Variants in PARD3B observed in about 807,000 individuals in gnomAD.
PARD3B encodes par-3 family cell polarity regulator beta.
In PARD3B, 103 loss-of-function variants were observed where a neutral mutation model predicts 130.2. The ratio of observed to expected loss-of-function variants is 0.79; its 90% CI spans 0.67 to 0.93. The LOEUF (loss-of-function observed/expected upper bound fraction) is 0.93. Among genes scored for constraint, PARD3B ranks in the 40% least tolerant of loss-of-function variants. The probability of loss-of-function intolerance (pLI) is 0.00; values close to 1 mark genes in which losing one functional copy is unlikely to be tolerated. For synonymous variants in PARD3B, 583 were observed against 553.2 expected, an observed-to-expected ratio of 1.05 and a Z score of -0.76; for missense variants, 1,609 against 1,499.2, an observed-to-expected ratio of 1.07 and a Z score of -1.21.
Position 205,506,048 on chromosome 2 carries a change from G to C in PARD3B, c.3180+6017G>C, listed in dbSNP as rs58310717. Reference sequence around the variant, plus strand: ...TGTTACCACTGTCATTAAAAACATGGTGCTGGCCGGGCACAGTGGCTCACG... The same window carrying C: ...TGTTACCACTGTCATTAAAAACATGCTGCTGGCCGGGCACAGTGGCTCACG... On this transcript the variant is annotated intron_variant, in intron 21 of 22. Transcript: ENST00000406610. Among the ~76,000 whole-genome samples the C allele has an allele frequency of 6.6e-3, 1,007 of 152,136 alleles. 13 individuals are homozygous for C. Among genetic ancestry groups the C allele is most frequent in the African/African-American group, 0.023 (945 of 41,528 alleles).
intron 3 of PARD3B, among the ~76,000 whole-genome samples, chr2:204,987,363 A>G (rs1181952169): frequency 6.6e-6 from 1 of 152,268 alleles, no homozygotes. Flanking sequence ...TATTGCCAGA[A>G]TAGAATGCTT....
chr2:204,877,464 T>A lies in PARD3B; in HGVS notation c.223-87688T>A, dbSNP rs552424954. 2.1e-4 allele frequency among the ~76,000 whole-genome samples: 32 copies of A among 152,308 alleles called. No individual in the cohort carries two copies. The South Asian group carries it at 6.2e-3, about 30-fold the overall frequency. Reference sequence around the variant, plus strand: ...AAACTCACATAGAAGGAGGGCTGACTTTTCCCATATGTGAGTTATGTGTGC... The same window carrying A: ...AAACTCACATAGAAGGAGGGCTGACATTTCCCATATGTGAGTTATGTGTGC... On this transcript the variant is annotated intron_variant, in intron 2 of 22. Coordinates refer to ENST00000406610, the MANE Select transcript of PARD3B (RefSeq NM_001302769.2).
At chr2:204,635,635 G>A (rs1431431013) in intron 1 of PARD3B, among the ~76,000 whole-genome samples, 2 of 152,098 alleles carry the variant, frequency 1.3e-5, no homozygotes, top group South Asian at 2.1e-4. Context: ...AGACACCTGG[G>A]CAGTGCTCCA....
chr2:205,616,579 G>T lies in PARD3B; in HGVS notation c.*766G>T, dbSNP rs148893989. The T allele has an allele frequency of 6.6e-6, 1 of 152,188 alleles. No homozygotes were observed. Among genetic ancestry groups the T allele is most frequent in the African/African-American group, 2.4e-5 (1 of 41,424 alleles). 9.4% of individuals were successfully genotyped at this position (152,188 alleles called of 1,614,324 possible). On this transcript the variant is annotated 3_prime_UTR_variant, in exon 23 of 23. Transcript: ENST00000406610. ...TATCTTCCGAGGACTAAGGTGATCA[G>T]GTTAAGAGGGTTCAACATCCCACGG...
At position 204,745,284 on chromosome 2, in the gene PARD3B, A is replaced by G. The variant is rs115745449; in HGVS notation, c.222+59002A>G. The stretch of plus-strand genomic sequence containing the variant: ...TTTGCGGCTCTTCAATCGGCCTCCC[A>G]TATGGACATTGATAATAATAGCTAA... On this transcript the variant is annotated intron_variant, in intron 2 of 22. Transcript: ENST00000406610. 5.6e-3 allele frequency among the ~76,000 whole-genome samples: 857 copies of G among 152,262 alleles called. 8 individuals are homozygous for G. Among genetic ancestry groups the G allele is most frequent in the South Asian group, 0.024 (118 of 4,824 alleles).
intron 5 of PARD3B, among the ~76,000 whole-genome samples, chr2:205,104,931 C>T (rs959166192): frequency 1.3e-5 from 2 of 152,082 alleles, no homozygotes; most frequent in African/African-American, 4.8e-5. Context: ...TGCTTTAACA[C>T]CCTTGTAATA....
At chr2:204,917,285 G>T (rs1256765992) in intron 2 of PARD3B, among the ~76,000 whole-genome samples, 7 of 152,196 alleles carry the variant, frequency 4.6e-5, no homozygotes, top group Non-Finnish European at 1.0e-4. Flanking sequence ...CTGTAGCTGA[G>T]GAATGACAAG....
chr2:205,355,816 C>T (rs2044170479), intron 18 of PARD3B, among the ~76,000 whole-genome samples: 1 of 152,096 alleles, frequency 6.6e-6, no homozygotes, highest in Non-Finnish European at 1.5e-5. Context: ...GAAGGGCAAG[C>T]AAGGCATCTT....
intron 18 of PARD3B, among the ~76,000 whole-genome samples, chr2:205,394,964 A>G (rs1195487867): frequency 1.3e-5 from 2 of 152,192 alleles, no homozygotes; most frequent in Non-Finnish European, 2.9e-5. Context: ...TGCCACTGAA[A>G]TGTACACTGA....
At chr2:205,239,306 T>C (rs1184148636) in intron 15 of PARD3B, among the ~76,000 whole-genome samples, 1 of 152,162 alleles carries the variant, frequency 6.6e-6, no homozygotes, top group East Asian at 1.9e-4. Flanking sequence ...ATGCAAATAA[T>C]TATTCACCTA....
intron 2 of PARD3B, among the ~76,000 whole-genome samples, chr2:204,940,050 T>G (rs1157354867): frequency 6.6e-6 from 1 of 152,238 alleles, no homozygotes; most frequent in East Asian, 1.9e-4. Flanking sequence ...ACAATGATCC[T>G]TTTGGAAAAA....
intron 2 of PARD3B, among the ~76,000 whole-genome samples, chr2:204,783,735 G>T (rs2041918705): frequency 6.6e-6 from 1 of 152,118 alleles, no homozygotes; most frequent in Non-Finnish European, 1.5e-5. Context: ...CAAAGGCACA[G>T]TAGTAAGGGA....
chr2:204,644,776 T>C (rs1046347009), intron 1 of PARD3B, among the ~76,000 whole-genome samples: 1 of 152,182 alleles, frequency 6.6e-6, no homozygotes, highest in Non-Finnish European at 1.5e-5. Context: ...TGGTACATGA[T>C]ATCATGATTT....
chr2:205,443,719 C>T (rs2106170549), intron 20 of PARD3B, among the ~76,000 whole-genome samples: 1 of 152,266 alleles, frequency 6.6e-6, no homozygotes, highest in East Asian at 1.9e-4. Context: ...AGCACCCAGA[C>T]ACGGAGCATG....
intron 1 of PARD3B, among the ~76,000 whole-genome samples, chr2:204,608,002 A>G (rs2033788118): frequency 6.6e-6 from 1 of 152,166 alleles, no homozygotes; most frequent in Admixed American, 6.6e-5. Flanking sequence ...TGTTGTGTTT[A>G]AAGTGTTCAA....
chr2:205,496,238 T>C (rs974120007), intron 20 of PARD3B, among the ~76,000 whole-genome samples: 5 of 152,178 alleles, frequency 3.3e-5, no homozygotes, highest in African/African-American at 1.2e-4. Context: ...AATAGTGGCG[T>C]ATATTATTTT....
intron 2 of PARD3B, among the ~76,000 whole-genome samples, chr2:204,894,294 T>C (rs2125694409): frequency 6.6e-6 from 1 of 152,274 alleles, no homozygotes; most frequent in Admixed American, 6.5e-5. Context: ...TGCAAGGCTG[T>C]ATGTTATACA....
At chr2:205,224,552 C>A (rs1049003423) in intron 15 of PARD3B, among the ~76,000 whole-genome samples, 1 of 146,534 alleles carries the variant, frequency 6.8e-6, no homozygotes, top group African/African-American at 2.5e-5. Context: ...GCCCCCCGCC[C>A]CCAACCCCCC....
rs755248621 is a variant in PARD3B, at chr2:205,301,796, TC to T, written c.2630+97del. ...GTACTCAGAAAAAAGCGCACGCTTT[TC>T]CTCGTCTTCAGCCAAATGCATACGG... On this transcript the variant is annotated intron_variant, in intron 18 of 22. Transcript: ENST00000406610. The surrounding 1 kb of genome is among the most constrained non-coding windows in gnomAD (Gnocchi z 5.2). 1 of 1,591,176 alleles carries T rather than the reference TC, an allele frequency of 6.3e-7. No homozygotes were observed. The highest frequency in any genetic ancestry group is 8.6e-7 in the Non-Finnish European group (1 of 1,159,218).
Sources: gnomAD v4.1 joint callset for allele counts (sites outside exome capture counted in the v4.1 genomes callset) on GRCh38, gnomAD v4.1.1 for gene constraint, Gnocchi (gnomAD v3.1) non-coding constraint, MANE v1.5 for transcripts, NCBI Gene and HGNC (gene_info 2026-07-23, HGNC 2026-07-21) for gene names.